The following ASAH2 variants were observed in gnomAD, a reference collection of about 807,000 sequenced individuals.
ASAH2 encodes the protein N-acylsphingosine amidohydrolase 2.
Under a neutral mutation model 82.9 loss-of-function variants are expected in ASAH2, and 58 were observed. The observed-to-expected ratio is 0.70, with a 90% CI of 0.57 to 0.87. The LOEUF is 0.87. Ranked by LOEUF, ASAH2 falls within the 40% of genes least tolerant of loss-of-function variation. The probability of loss-of-function intolerance (pLI) is 0.00; values close to 1 mark genes in which losing one functional copy is unlikely to be tolerated. For missense variants in ASAH2, 779 were observed against 834.0 expected (o/e 0.93, Z 0.81); for synonymous variants, 276 against 289.7 (o/e 0.95, Z 0.48).
intron 7 of ASAH2, among the ~76,000 whole-genome samples, chr10:50,227,461 T>C (rs929792977): frequency 2.6e-5 from 4 of 152,204 alleles, no homozygotes; most frequent in Admixed American, 6.5e-5. Context: ...TCATGTGTAT[T>C]TCTTATTATA....
At chr10:50,205,075 A>T in intron 13 of ASAH2, 120 bp from the exon 14 acceptor site, 1 of 650,000 alleles carries the variant, frequency 1.5e-6, no homozygotes, top group Non-Finnish European at 2.6e-6. Context: ...TAAATATTCT[A>T]TATGGGCATT....
At chr10:50,208,033 C>T (rs1209660654) in intron 12 of ASAH2, among the ~76,000 whole-genome samples, 1 of 151,802 alleles carries the variant, frequency 6.6e-6, no homozygotes, top group Non-Finnish European at 1.5e-5. Context: ...TAATGCAGTA[C>T]AACATATTAA....
intron 7 of ASAH2, among the ~76,000 whole-genome samples, chr10:50,230,649 G>GA (rs1421588648): frequency 6.6e-6 from 1 of 152,102 alleles, no homozygotes; most frequent in African/African-American, 2.4e-5. Flanking sequence ...ACAGTTGACC[G>GA]AAAGACTTCC....
chr10:50,217,855 T>C (rs1360851905), intron 8 of ASAH2, among the ~76,000 whole-genome samples: 1 of 152,226 alleles, frequency 6.6e-6, no homozygotes, highest in Non-Finnish European at 1.5e-5. Flanking sequence ...CCTGGAGCAG[T>C]GGCTCATGCC....
intron 16 of ASAH2, 79 bp downstream of exon 16, chr10:50,202,750 T>C: frequency 9.7e-7 from 1 of 1,026,616 alleles, no homozygotes; most frequent in South Asian, 1.3e-5. Flanking sequence ...TGGGAAAGTT[T>C]ACAAAGCAAG....
intron 16 of ASAH2, among the ~76,000 whole-genome samples, chr10:50,200,186 C>T (rs1319605219): frequency 6.6e-6 from 1 of 151,552 alleles, no homozygotes; most frequent in Non-Finnish European, 1.5e-5. Context: ...TCATTTTCTA[C>T]ACTGCCATCT....
rs1844776391 is a variant in ASAH2, at chr10:50,187,166, C to T, written c.*149G>A. 1.8e-5 allele frequency: 4 copies of T among 225,310 alleles called. No homozygotes were observed. The highest frequency in any genetic ancestry group is 1.8e-4 in the South Asian group (4 of 22,652). 14.0% of individuals were successfully genotyped at this position (225,310 alleles called of 1,614,324 possible). A position where few individuals can be genotyped will look rare whatever the true frequency, so the allele number is the denominator to read the frequency against. ...CACACACACACACACACACACACCC[C>T]TCCACCCCATTAGCAGTAAACTATC... On this transcript the variant is annotated 3_prime_UTR_variant, in exon 21 of 21. Transcript: ENST00000682911.
Position 50,206,005 on chromosome 10 carries a change from G to T in ASAH2, c.1507C>A (p.Pro503Thr), listed in dbSNP as rs1845284536. The T allele has an allele frequency of 1.2e-6, 2 of 1,612,272 alleles. No individual in the cohort carries two copies. The highest frequency in any genetic ancestry group is 1.3e-5 in the African/African-American group (1 of 74,910). Residue 503 changes from proline to threonine, a missense_variant, in exon 13 of 21, where the codon CCC becomes ACC. By Grantham distance (38) the Pro-to-Thr change is conservative (BLOSUM62 -1). Transcript: ENST00000682911. ...ACTTCTCCGGTGTGAAGAAGGATGG[G>T]CTTTGGTTTATGACATTCTTTAATT... ...EEIKECHKPKPILLHTGELSK... is the reference protein window; with the variant it reads ...EEIKECHKPKTILLHTGELSK...
intron 6 of ASAH2, 72 bp from the exon 7 acceptor site, chr10:50,233,333 C>T: frequency 1.7e-6 from 2 of 1,143,268 alleles, no homozygotes; most frequent in Admixed American, 1.7e-5. Flanking sequence ...TGAACAGTAG[C>T]AGCTGACACA....
At position 50,214,814 on chromosome 10, in the gene ASAH2, T is replaced by C. The variant is rs761565690; in HGVS notation, c.1069A>G (p.Ile357Val). ...SSNLGDVSPN[I>V]LGPRCINTGE... Reference sequence around the variant, plus strand: ...GTGTTGATGCAACGTGGTCCAAGAATGTTGGGGGACACATCTCCTAGGTTT... The same window carrying C: ...GTGTTGATGCAACGTGGTCCAAGAACGTTGGGGGACACATCTCCTAGGTTT... Residue 357 changes from isoleucine (I) to valine (V), a missense_variant, in exon 9 of 21, where the codon ATT becomes GTT. By Grantham distance (29) the Ile-to-Val change is conservative (BLOSUM62 3). Coordinates refer to ENST00000682911, the MANE Select transcript of ASAH2 (RefSeq NM_019893.4). 1.2e-6 allele frequency: 2 copies of C among 1,613,770 alleles called. No homozygotes were observed. Among genetic ancestry groups the C allele is most frequent in the Non-Finnish European group, 8.5e-7 (1 of 1,179,700 alleles).
chr10:50,199,102 T>C lies in ASAH2; in HGVS notation c.1806A>G (p.Thr602=). The change falls in exon 17 of 21, where the codon ACA becomes ACG. Residue 602 remains threonine, a synonymous_variant. Transcript: ENST00000682911. ...EAASTIYGPH[T]LSAYIQLFRN... ...TGAAGAGCTGAATGTAAGCAGATAATGTGTGCGGTCCATAAATTGTCGATG... is the reference window on the plus strand; with the variant it reads ...TGAAGAGCTGAATGTAAGCAGATAACGTGTGCGGTCCATAAATTGTCGATG... 1 of 1,613,342 alleles carries C rather than the reference T, an allele frequency of 6.2e-7. No individual in the cohort carries two copies. Among genetic ancestry groups the C allele is most frequent in the Non-Finnish European group, 8.5e-7 (1 of 1,179,492 alleles).
chr10:50,226,876 G>T (rs1845900679), intron 7 of ASAH2, among the ~76,000 whole-genome samples: 1 of 152,098 alleles, frequency 6.6e-6, no homozygotes, highest in African/African-American at 2.4e-5. Flanking sequence ...GAGTGGCAAG[G>T]TCACTTTGGA....
chr10:50,219,701 A>T (rs1037537185), intron 7 of ASAH2, among the ~76,000 whole-genome samples: 114,900 of 152,186 alleles, frequency 0.75, 45,634 homozygotes, highest in Non-Finnish European at 0.88. Flanking sequence ...CTAGAAAGGG[A>T]TTAGGACTTC....
chr10:50,198,484 A>T (rs1279757511), intron 17 of ASAH2: 1 of 155,844 alleles, frequency 6.4e-6, no homozygotes, highest in East Asian at 1.9e-4. Flanking sequence ...TTAACAACTC[A>T]TATTATCTTT....
At chr10:50,241,134 G>A (rs1460765339) in intron 4 of ASAH2, among the ~76,000 whole-genome samples, 1 of 152,218 alleles carries the variant, frequency 6.6e-6, no homozygotes, top group Admixed American at 6.5e-5. Context: ...CATCTTGGAA[G>A]TGGACCTTCA....
chr10:50,199,251 C>T (rs1845078065), intron 16 of ASAH2, 105 bp from the exon 17 acceptor site: 2 of 1,096,110 alleles, frequency 1.8e-6, no homozygotes, highest in Non-Finnish European at 2.8e-6. Context: ...TCACATTATT[C>T]AAAACTGGCA....
intron 7 of ASAH2, among the ~76,000 whole-genome samples, chr10:50,230,788 T>A (rs1846002810): frequency 1.3e-5 from 2 of 152,098 alleles, no homozygotes; most frequent in Non-Finnish European, 2.9e-5. Flanking sequence ...ACACCTGTAA[T>A]CCAAGCACTT....
intron 4 of ASAH2, among the ~76,000 whole-genome samples, chr10:50,239,840 T>C (rs1228956057): frequency 6.7e-6 from 1 of 148,680 alleles, no homozygotes; most frequent in South Asian, 2.2e-4. Context: ...TTTTTTTTTT[T>C]TTTTTTTGAG....
At position 50,248,512 on chromosome 10, in the gene ASAH2, G is replaced by C. The variant is rs1466227254; in HGVS notation, c.99C>G (p.Ile33Met). The change falls in exon 2 of 21, where the codon ATC becomes ATG. Residue 33 changes from isoleucine to methionine, a missense_variant. Around this residue, in one of 3 missense-constraint regions of ASAH2, gnomAD observed 759 missense variants for 755.2 expected, o/e 1.00. Transcript: ENST00000682911. ...ITVALLSLLF[I>M]TSGTIENHKD... is the part of the protein sequence containing the mutation. ...TGTGGTTTTCAATGGTCCCACTGGT[G>C]ATAAACAAGAGGCTGAGAAGGGCCA... 6.2e-7 allele frequency: 1 copy of C among 1,613,764 alleles called. No homozygotes were observed. The highest frequency in any genetic ancestry group is 8.5e-7 in the Non-Finnish European group (1 of 1,179,746).
Sources: gnomAD v4.1 joint callset for allele counts (sites outside exome capture counted in the v4.1 genomes callset) on GRCh38, gnomAD v4.1.1 for gene constraint, gnomAD v4.1.1 regional missense constraint, MANE v1.5 for transcripts, NCBI Gene and HGNC (gene_info 2026-07-23, HGNC 2026-07-21) for gene names.